PALLD: variants seen among roughly 807,000 people sequenced by gnomAD.
PALLD encodes the protein palladin.
Under a neutral mutation model 123.5 loss-of-function variants are expected in PALLD, and 61 were observed. The ratio of observed to expected loss-of-function variants is 0.49; its 90% CI spans 0.40 to 0.61. PALLD has a LOEUF of 0.61. Ranked by LOEUF, PALLD falls within the 20% of genes least tolerant of loss-of-function variation. The pLI is 0.00. For missense variants in PALLD, 1,273 were observed against 1,377.0 expected (o/e 0.92, Z 1.20); for synonymous variants, 465 against 496.4 (o/e 0.94, Z 0.84).
intron 2 of PALLD, among the ~76,000 whole-genome samples, chr4:168,593,124 T>C (rs1436629940): frequency 6.6e-6 from 1 of 152,154 alleles, no homozygotes; most frequent in African/African-American, 2.4e-5. Context: ...ATAAATTTTA[T>C]TTTATAGGCT....
chr4:168,688,818 C>A (rs1782337919), intron 6 of PALLD, among the ~76,000 whole-genome samples: 1 of 152,104 alleles, frequency 6.6e-6, no homozygotes, highest in Admixed American at 6.5e-5. Context: ...AAATCAAAGT[C>A]TCTTTTGGTG....
chr4:168,867,735 C>T lies in PALLD; in HGVS notation c.1965-23187C>T, dbSNP rs144466842. On this transcript the variant is annotated intron_variant, in intron 10 of 21. Transcript: ENST00000505667. ...AGATTAATTTTTATATTGTTCGTAC[C>T]AGCAAGATGTTCTTGTTGGGCCTTT... is the stretch of plus-strand genomic sequence containing the variant. Among the ~76,000 whole-genome samples the T allele has an allele frequency of 6.0e-3, 909 of 151,992 alleles. 4 individuals are homozygous for T. Among genetic ancestry groups the T allele is most frequent in the African/African-American group, 0.02 (834 of 41,470 alleles).
At chr4:168,679,559 G>A (rs1323534986) in intron 3 of PALLD, among the ~76,000 whole-genome samples, 2 of 151,164 alleles carry the variant, frequency 1.3e-5, no homozygotes, top group African/African-American at 2.4e-5. Context: ...GTGGTGGGGT[G>A]TGTGTGTGTG....
intron 2 of PALLD, among the ~76,000 whole-genome samples, chr4:168,543,232 T>C (rs1765814759): frequency 6.6e-6 from 1 of 152,148 alleles, no homozygotes; most frequent in Admixed American, 6.5e-5. Context: ...GAGACGATAC[T>C]ACTGTTGAGA....
At position 168,675,393 on chromosome 4, in the gene PALLD, G is replaced by A. The variant is rs747210979; in HGVS notation, c.1088-5939G>A. ...CCCCTTTGAAGTGACATTGTGAAGC[G>A]TGCTGTGATGTGAAATGTGGAATTG... On this transcript the variant is annotated intron_variant, in intron 3 of 21. Transcript: ENST00000505667. Among the ~76,000 whole-genome samples the A allele has an allele frequency of 6.0e-4, 91 of 152,256 alleles. 1 individual carries two copies. The highest frequency in any genetic ancestry group is 5.9e-4 in the Admixed American group (9 of 15,292).
In PALLD at chr4:168,503,634, G is replaced by A. The variant is rs1312835949; in HGVS notation, c.-83+6440G>A. ...TGCACTCCAGCCTGGGCAACAGAGC[G>A]AGACTCCATCTCAAAAAAAAAAAAA... is the stretch of plus-strand genomic sequence containing the variant. On this transcript the variant is annotated intron_variant, in intron 1 of 21. Coordinates refer to ENST00000505667, the MANE Select transcript of PALLD (RefSeq NM_001166108.2). Among the ~76,000 whole-genome samples the A allele has an allele frequency of 6.3e-5, 9 of 143,026 alleles. No homozygotes were observed. The South Asian group carries it at 6.9e-4, about 11-fold the overall frequency. The allele number at this position is 143,026 out of a possible 152,430, so 93.8% of individuals were successfully genotyped here.
At chr4:168,508,377 T>A (rs1386157537) in intron 1 of PALLD, among the ~76,000 whole-genome samples, 1 of 152,222 alleles carries the variant, frequency 6.6e-6, no homozygotes, top group African/African-American at 2.4e-5. Context: ...AAAAACCTTC[T>A]CTTTTTCAAG....
At chr4:168,723,360 G>A (rs1786212132) in intron 10 of PALLD, among the ~76,000 whole-genome samples, 1 of 152,174 alleles carries the variant, frequency 6.6e-6, no homozygotes, top group African/African-American at 2.4e-5. Flanking sequence ...GGGAAACAAG[G>A]ACCCTGCAGA....
intron 10 of PALLD, among the ~76,000 whole-genome samples, chr4:168,719,648 G>A (rs1303316147): frequency 6.6e-6 from 1 of 152,056 alleles, no homozygotes; most frequent in South Asian, 2.1e-4. Context: ...CTGTCACAGG[G>A]GTTTGGTGTA....
chr4:168,830,077 C>T (rs1251966684), intron 10 of PALLD, among the ~76,000 whole-genome samples: 2 of 151,904 alleles, frequency 1.3e-5, no homozygotes, highest in African/African-American at 4.8e-5. Flanking sequence ...ACAAAAACTA[C>T]AAAAATTAGC....
chr4:168,772,763 A>G (rs1351920926), intron 10 of PALLD, among the ~76,000 whole-genome samples: 1 of 152,216 alleles, frequency 6.6e-6, no homozygotes, highest in Non-Finnish European at 1.5e-5. Flanking sequence ...GTGGGTGCTC[A>G]ATAAATATAC....
rs1392114286 is a variant in PALLD at position 168,651,938 on chromosome 4, G to GT, written c.909-16245dup. On this transcript the variant is annotated intron_variant, in intron 2 of 21. Coordinates refer to ENST00000505667, the MANE Select transcript of PALLD (RefSeq NM_001166108.2). ...CAACTGAGGGACTGGTTTTCCTTTA[G>GT]TTTTTTTGTATTTGTTTGTTTGCTT... Among the ~76,000 whole-genome samples the GT allele has an allele frequency of 4.6e-5, 7 of 152,184 alleles. No individual in the cohort carries two copies. In the South Asian group the frequency reaches 1.5e-3, roughly 32 times the overall value.
At chr4:168,853,040 C>T (rs1748033133) in intron 10 of PALLD, among the ~76,000 whole-genome samples, 2 of 152,058 alleles carry the variant, frequency 1.3e-5, no homozygotes, top group South Asian at 4.1e-4. Flanking sequence ...TAATTTTAGC[C>T]ATTTAGGAAA....
At position 168,734,366 on chromosome 4, in the gene PALLD, A is replaced by G. The variant is rs148085091; in HGVS notation, c.1964+22443A>G. The stretch of plus-strand genomic sequence containing the variant: ...TGACACAAAGCTAATCAGTGGCTTG[A>G]CAACTCTAGTCAAACATCCACATAG... On this transcript the variant is annotated intron_variant, in intron 10 of 21. Coordinates refer to ENST00000505667, the MANE Select transcript of PALLD (RefSeq NM_001166108.2). Among the ~76,000 whole-genome samples, 829 of 152,268 alleles carry G rather than the reference A, an allele frequency of 5.4e-3. 9 individuals carry two copies. Among genetic ancestry groups the G allele is most frequent in the African/African-American group, 0.019 (797 of 41,550 alleles).
intron 7 of PALLD, 131 bp from the exon 8 acceptor site, chr4:168,691,138 A>C: frequency 1.4e-6 from 1 of 707,756 alleles, no homozygotes; most frequent in African/African-American, 1.8e-5. Flanking sequence ...TGTATGATGG[A>C]GTTTGACTGT....
At chr4:168,751,827 T>C (rs1159846043) in intron 10 of PALLD, among the ~76,000 whole-genome samples, 1 of 152,154 alleles carries the variant, frequency 6.6e-6, no homozygotes, top group African/African-American at 2.4e-5. Context: ...GTTAGAATAC[T>C]AGAAAAAGAG....
At chr4:168,586,211 T>C (rs1770807456) in intron 2 of PALLD, among the ~76,000 whole-genome samples, 1 of 148,986 alleles carries the variant, frequency 6.7e-6, no homozygotes, top group South Asian at 2.1e-4. Flanking sequence ...AAGCTACTAC[T>C]TCCGGCCCCA....
At chr4:168,551,324 C>T (rs892013940) in intron 2 of PALLD, among the ~76,000 whole-genome samples, 4 of 152,266 alleles carry the variant, frequency 2.6e-5, no homozygotes, top group South Asian at 2.1e-4. Flanking sequence ...AATAAGGAAG[C>T]TGCTAGCCAC....
intron 10 of PALLD, among the ~76,000 whole-genome samples, chr4:168,791,616 C>T (rs1388980319): frequency 6.6e-6 from 1 of 152,164 alleles, no homozygotes; most frequent in Non-Finnish European, 1.5e-5. Flanking sequence ...CCTGGTCTCT[C>T]CCTTGACACG....
Sources: gnomAD v4.1 joint callset for allele counts (sites outside exome capture counted in the v4.1 genomes callset) on GRCh38, gnomAD v4.1.1 for gene constraint, MANE v1.5 for transcripts, NCBI Gene and HGNC (gene_info 2026-07-23, HGNC 2026-07-21) for gene names.